MACROD2: variants seen among roughly 807,000 people sequenced by gnomAD.
The protein encoded by MACROD2 is ADP-ribose glycohydrolase MACROD2.
Under a neutral mutation model 70.4 loss-of-function variants are expected in MACROD2, and 36 were observed. The ratio of observed to expected loss-of-function variants is 0.51; its 90% CI spans 0.39 to 0.68. The LOEUF is 0.68. Ranked by LOEUF, MACROD2 falls within the 30% of genes least tolerant of loss-of-function variation. MACROD2 has a pLI of 0.00. For missense variants in MACROD2, 496 were observed against 538.4 expected (o/e 0.92, Z 0.78); for synonymous variants, 172 against 178.8 (o/e 0.96, Z 0.30).
chr20:15,027,128 T>A lies in MACROD2; in HGVS notation c.419-202812T>A, dbSNP rs568734999. 1.3e-4 allele frequency among the ~76,000 whole-genome samples: 20 copies of A among 151,902 alleles called. No homozygotes were observed. In the South Asian group the frequency reaches 4.2e-3, roughly 32 times the overall value. ...AATGTGGTGTCAGTGGGGGTAGGAGTGGGGGAACACAGACACATTCAGGAG... is the reference window on the plus strand; with the variant it reads ...AATGTGGTGTCAGTGGGGGTAGGAGAGGGGGAACACAGACACATTCAGGAG... On this transcript the variant is annotated intron_variant, in intron 5 of 17. Coordinates refer to ENST00000684519, the MANE Select transcript of MACROD2 (RefSeq NM_001351661.2).
At chr20:14,683,664 A>T (rs191863028) in intron 4 of MACROD2, among the ~76,000 whole-genome samples, 45 of 152,228 alleles carry the variant, frequency 3.0e-4, no homozygotes, top group African/African-American at 9.4e-4. Context: ...GACAAGTTAT[A>T]CTTCCCTTAG....
At chr20:15,006,342 G>T (rs1472000797) in intron 5 of MACROD2, among the ~76,000 whole-genome samples, 1 of 151,970 alleles carries the variant, frequency 6.6e-6, no homozygotes, top group African/African-American at 2.4e-5. Context: ...GGTGGTTATG[G>T]GGTTGGGGCA....
intron 6 of MACROD2, among the ~76,000 whole-genome samples, chr20:15,366,440 AAAAG>A (rs2045410596): frequency 6.6e-6 from 1 of 152,236 alleles, no homozygotes; most frequent in Non-Finnish European, 1.5e-5. Context: ...CTTTTTAAAG[AAAAG>A]AAATCAAAAT....
chr20:14,836,589 A>C (rs978479557), intron 5 of MACROD2, among the ~76,000 whole-genome samples: 1 of 152,028 alleles, frequency 6.6e-6, no homozygotes, highest in African/African-American at 2.4e-5. Flanking sequence ...ATAGAATTAA[A>C]ATGTCTAAAA....
At chr20:14,297,829 C>G (rs190765952) in intron 3 of MACROD2, among the ~76,000 whole-genome samples, 3 of 151,902 alleles carry the variant, frequency 2.0e-5, no homozygotes, top group Non-Finnish European at 4.4e-5. Context: ...GAAGAAGCTG[C>G]CATCTAGGAC....
At position 15,885,678 on chromosome 20, in the gene MACROD2, GATTTTTTTTA is replaced by G. The variant is rs11468433; in HGVS notation, c.728-83_728-74del. The G allele has an allele frequency of 6.9e-3, 8,603 of 1,253,974 alleles. 471 individuals carry two copies. In the African/African-American group the frequency reaches 0.12, roughly 17 times the overall value. The allele number at this position is 1,253,974 out of a possible 1,614,324, so 77.7% of individuals were successfully genotyped here. A position where few individuals can be genotyped will look rare whatever the true frequency, so the allele number is the denominator to read the frequency against. ...CTACTGATCTGTTATCCCTTTCTTT[GATTTTTTTTA>G]ATAATCCATCTGGAACATTCTTGTG... is the stretch of plus-strand genomic sequence containing the variant. On this transcript the variant is annotated intron_variant, in intron 9 of 17. Coordinates refer to ENST00000684519, the MANE Select transcript of MACROD2 (RefSeq NM_001351661.2).
In MACROD2 at chr20:14,101,097, T is replaced by A. The variant is rs143647271; in HGVS notation, c.271+15369T>A. Among the ~76,000 whole-genome samples the A allele has an allele frequency of 4.8e-3, 721 of 151,748 alleles. 3 individuals carry two copies. Among genetic ancestry groups the A allele is most frequent in the Non-Finnish European group, 7.7e-3 (522 of 67,832 alleles). Reference sequence around the variant, plus strand: ...TGATAATTGTCCACCTTACTGAAGTTAATTATAAAAACTTTTGAGTTGGTT... The same window carrying A: ...TGATAATTGTCCACCTTACTGAAGTAAATTATAAAAACTTTTGAGTTGGTT... On this transcript the variant is annotated intron_variant, in intron 3 of 17. Coordinates refer to ENST00000684519, the MANE Select transcript of MACROD2 (RefSeq NM_001351661.2).
chr20:14,369,669 A>G (rs1486854270), intron 3 of MACROD2, among the ~76,000 whole-genome samples: 1 of 152,200 alleles, frequency 6.6e-6, no homozygotes, highest in East Asian at 1.9e-4. Flanking sequence ...TCCACATGGT[A>G]TAATGTGCAC....
intron 5 of MACROD2, among the ~76,000 whole-genome samples, chr20:14,843,314 T>G (rs1215393783): frequency 6.6e-6 from 1 of 151,732 alleles, no homozygotes; most frequent in Non-Finnish European, 1.5e-5. Context: ...CTCATCCTTC[T>G]AAATCTGCAT....
intron 5 of MACROD2, among the ~76,000 whole-genome samples, chr20:14,842,701 C>T (rs2073099893): frequency 6.6e-6 from 1 of 152,064 alleles, no homozygotes; most frequent in Admixed American, 6.5e-5. Context: ...CTTTGGCTTT[C>T]CACACTGATC....
At chr20:15,361,701 CT>C (rs1316540274) in intron 6 of MACROD2, among the ~76,000 whole-genome samples, 5 of 151,898 alleles carry the variant, frequency 3.3e-5, no homozygotes, top group African/African-American at 9.7e-5. Context: ...CAGTATGCTT[CT>C]TCTGTTTTTA....
chr20:14,879,720 A>T (rs749891409), intron 5 of MACROD2, among the ~76,000 whole-genome samples: 39 of 152,302 alleles, frequency 2.6e-4, no homozygotes, highest in Non-Finnish European at 3.5e-4. Context: ...TCTGATTCAT[A>T]AGACAATTGG....
intron 5 of MACROD2, among the ~76,000 whole-genome samples, chr20:14,791,948 T>C (rs2072455772): frequency 6.6e-6 from 1 of 151,290 alleles, no homozygotes; most frequent in African/African-American, 2.4e-5. Context: ...GTTGATATCA[T>C]TGAAAATTTT....
At chr20:14,992,573 C>A (rs572610856) in intron 5 of MACROD2, among the ~76,000 whole-genome samples, 1 of 152,032 alleles carries the variant, frequency 6.6e-6, no homozygotes, top group East Asian at 1.9e-4. Flanking sequence ...TGTGATATGG[C>A]CTTTAAGATG....
intron 10 of MACROD2, among the ~76,000 whole-genome samples, chr20:15,898,026 G>C (rs1460040494): frequency 6.6e-6 from 1 of 152,124 alleles, no homozygotes; most frequent in African/African-American, 2.4e-5. Flanking sequence ...TTAGAGTTTT[G>C]TTTTTATTTT....
chr20:14,660,916 G>A (rs1252016367), intron 4 of MACROD2, among the ~76,000 whole-genome samples: 2 of 151,868 alleles, frequency 1.3e-5, no homozygotes, highest in East Asian at 3.9e-4. Flanking sequence ...AGTATTCCAT[G>A]GTACATATGT....
At chr20:15,508,281 G>A (rs1019825843) in intron 8 of MACROD2, among the ~76,000 whole-genome samples, 1 of 151,100 alleles carries the variant, frequency 6.6e-6, no homozygotes, top group Non-Finnish European at 1.5e-5. Context: ...AGAGAACCTA[G>A]AAAAATACTC....
intron 7 of MACROD2, among the ~76,000 whole-genome samples, chr20:15,486,415 C>A (rs1161803558): frequency 6.6e-6 from 1 of 152,158 alleles, no homozygotes; most frequent in Admixed American, 6.6e-5. Context: ...GGAAGGAGGG[C>A]TAACAAGAAG....
At chr20:15,262,706 T>G (rs2077259846) in intron 6 of MACROD2, among the ~76,000 whole-genome samples, 1 of 152,014 alleles carries the variant, frequency 6.6e-6, no homozygotes, top group East Asian at 1.9e-4. Flanking sequence ...CTTTCCAGCA[T>G]TTTGTTATTG....
Sources: gnomAD v4.1 joint callset for allele counts (sites outside exome capture counted in the v4.1 genomes callset) on GRCh38, gnomAD v4.1.1 for gene constraint, MANE v1.5 for transcripts, NCBI Gene and HGNC (gene_info 2026-07-23, HGNC 2026-07-21) for gene names.